Variants in ARMH4 observed in about 807,000 individuals in gnomAD.
ARMH4 encodes armadillo-like helical domain-containing protein 4.
A neutral mutation model predicts 61.9 loss-of-function variants in ARMH4; 49 were observed. That is an observed-to-expected ratio of 0.79 (90% CI 0.63 to 1.00). The LOEUF is 1.00. Among genes scored for constraint, ARMH4 ranks in the 50% least tolerant of loss-of-function variants. The pLI is 0.00. For missense variants in ARMH4, 934 were observed against 930.0 expected, an observed-to-expected ratio of 1.00 and a Z score of -0.06; for synonymous variants, 368 against 341.5, an observed-to-expected ratio of 1.08 and a Z score of -0.85.
At chr14:58,132,990 C>T (rs1288895290) in intron 3 of ARMH4, 100 bp downstream of exon 3, 9 of 1,323,174 alleles carry the variant, frequency 6.8e-6, no homozygotes, top group Middle Eastern at 3.7e-4. Flanking sequence ...CGCACGCGCG[C>T]GCTGATGGCA....
intron 4 of ARMH4, among the ~76,000 whole-genome samples, chr14:58,117,008 G>A (rs955390659): frequency 2.0e-5 from 3 of 152,176 alleles, no homozygotes; most frequent in Non-Finnish European, 4.4e-5. Flanking sequence ...CTGGAGTACA[G>A]CAGCACAACC....
chr14:58,142,307 A>G (rs1887590559), intron 1 of ARMH4, among the ~76,000 whole-genome samples: 1 of 152,124 alleles, frequency 6.6e-6, no homozygotes, highest in Non-Finnish European at 1.5e-5. Flanking sequence ...TTCTTCCCTT[A>G]AGGAGTTTCA....
chr14:58,031,129 T>G (rs1409383609), intron 5 of ARMH4, among the ~76,000 whole-genome samples: 1 of 152,238 alleles, frequency 6.6e-6, no homozygotes, highest in Non-Finnish European at 1.5e-5. Flanking sequence ...GTTATGTATT[T>G]ATGAATTAAA....
chr14:58,098,260 T>C (rs1170759834), intron 4 of ARMH4, among the ~76,000 whole-genome samples: 1 of 152,212 alleles, frequency 6.6e-6, no homozygotes, highest in Non-Finnish European at 1.5e-5. Flanking sequence ...CTTTAATCTT[T>C]TTTTATTCTT....
chr14:58,126,802 AT>A lies in ARMH4; in HGVS notation c.1831+4709del, dbSNP rs34763780. On this transcript the variant is annotated intron_variant, in intron 4 of 7. Transcript: ENST00000267485. ...AAGTTAAACGTAGCTTCTCCATTGG[AT>A]TTTTTTTTTTTTTTTTTGAGATGGA... is the stretch of plus-strand genomic sequence containing the variant. Among the ~76,000 whole-genome samples, 794 of 137,188 alleles carry A rather than the reference AT, an allele frequency of 5.8e-3. 4 individuals carry two copies. Among genetic ancestry groups the A allele is most frequent in the Middle Eastern group, 0.011 (3 of 270 alleles). 90.0% of individuals were successfully genotyped at this position (137,188 alleles called of 152,430 possible).
chr14:58,074,755 T>C (rs1289833313), intron 5 of ARMH4, among the ~76,000 whole-genome samples: 1 of 151,908 alleles, frequency 6.6e-6, no homozygotes, highest in Admixed American at 6.6e-5. Context: ...AAGTGAAGAG[T>C]TTTGAGCATA....
Position 58,004,685 on chromosome 14 carries a change from AAAATTAGAATAGT to A in ARMH4, c.*38_*50del, listed in dbSNP as rs1421869241. The A allele has an allele frequency of 7.0e-7, 1 of 1,426,156 alleles. No homozygotes were observed. The highest frequency in any genetic ancestry group is 9.7e-7 in the Non-Finnish European group (1 of 1,031,048). 88.3% of individuals were successfully genotyped at this position (1,426,156 alleles called of 1,614,324 possible). On this transcript the variant is annotated 3_prime_UTR_variant, in exon 8 of 8. Coordinates refer to ENST00000267485, the MANE Select transcript of ARMH4 (RefSeq NM_001001872.4). ...CTTTTTTTTTTTCTGCTCCAAAATA[AAAATTAGAATAGT>A]AGCATCGTTGAATATCCCAATTAAA... is the stretch of plus-strand genomic sequence containing the variant.
intron 4 of ARMH4, among the ~76,000 whole-genome samples, chr14:58,099,579 A>G (rs1194375957): frequency 6.6e-6 from 1 of 152,206 alleles, no homozygotes; most frequent in Non-Finnish European, 1.5e-5. Flanking sequence ...AGAAAAGAAG[A>G]CACAACAAAC....
At chr14:58,021,914 C>T (rs919887699) in intron 5 of ARMH4, among the ~76,000 whole-genome samples, 1 of 152,166 alleles carries the variant, frequency 6.6e-6, no homozygotes, top group East Asian at 1.9e-4. Context: ...TAGGAGCCAT[C>T]TGCAACCAAG....
intron 1 of ARMH4, among the ~76,000 whole-genome samples, chr14:58,146,893 TA>T (rs1292060597): frequency 6.6e-6 from 1 of 152,228 alleles, no homozygotes; most frequent in Non-Finnish European, 1.5e-5. Flanking sequence ...GTTTCATATA[TA>T]ATATTAAGGC....
intron 5 of ARMH4, among the ~76,000 whole-genome samples, chr14:58,070,330 G>A (rs1337783856): frequency 6.6e-6 from 1 of 152,112 alleles, no homozygotes; most frequent in Non-Finnish European, 1.5e-5. Flanking sequence ...CACTGGGGGT[G>A]AGCACAGAGG....
intron 4 of ARMH4, among the ~76,000 whole-genome samples, chr14:58,103,551 T>C (rs1424105204): frequency 6.6e-6 from 1 of 151,998 alleles, no homozygotes; most frequent in Non-Finnish European, 1.5e-5. Flanking sequence ...TTAAAAACTT[T>C]GTGGACCTTC....
chr14:58,142,257 T>C (rs1001944944), intron 1 of ARMH4, among the ~76,000 whole-genome samples: 5 of 152,174 alleles, frequency 3.3e-5, no homozygotes, highest in African/African-American at 1.2e-4. Context: ...AAGCAAATGA[T>C]GTGCACATGT....
intron 5 of ARMH4, among the ~76,000 whole-genome samples, chr14:58,087,466 ACT>A (rs1183818810): frequency 6.6e-6 from 1 of 151,998 alleles, no homozygotes; most frequent in African/African-American, 2.4e-5. Flanking sequence ...CACTCAACTA[ACT>A]CTATTTTATG....
At chr14:58,085,820 T>C (rs972505953) in intron 5 of ARMH4, among the ~76,000 whole-genome samples, 1 of 152,190 alleles carries the variant, frequency 6.6e-6, no homozygotes, top group African/African-American at 2.4e-5. Flanking sequence ...AAATTTACTT[T>C]TAGTGAAACT....
intron 5 of ARMH4, among the ~76,000 whole-genome samples, chr14:58,095,942 G>A (rs1344436650): frequency 6.6e-6 from 1 of 152,098 alleles, no homozygotes; most frequent in Admixed American, 6.6e-5. Context: ...ATTCACCTCA[G>A]GTCAAGGGAA....
intron 5 of ARMH4, among the ~76,000 whole-genome samples, chr14:58,044,721 T>G (rs10140211): frequency 6.6e-6 from 1 of 151,724 alleles, no homozygotes; most frequent in African/African-American, 2.4e-5. Flanking sequence ...ACTCATCCGA[T>G]AAAGGGCTAA....
At position 58,029,182 on chromosome 14, in the gene ARMH4, G is replaced by A. The variant is rs1282412364; in HGVS notation, c.2090-17032C>T. On this transcript the variant is annotated intron_variant, in intron 5 of 7. Coordinates refer to ENST00000267485, the MANE Select transcript of ARMH4 (RefSeq NM_001001872.4). ...TACCTATTCTGGACATTTCATATAA[G>A]TTGAATCATACAACATATGACCTTT... Among the ~76,000 whole-genome samples the A allele has an allele frequency of 9.9e-5, 15 of 151,328 alleles. No homozygotes were observed. In the East Asian group the frequency reaches 2.7e-3, roughly 27 times the overall value.
At chr14:58,028,305 G>A (rs1158547625) in intron 5 of ARMH4, among the ~76,000 whole-genome samples, 2 of 152,204 alleles carry the variant, frequency 1.3e-5, no homozygotes, top group African/African-American at 4.8e-5. Context: ...TTGCAGCAGT[G>A]TCACTACAAA....
Sources: gnomAD v4.1 joint callset for allele counts (sites outside exome capture counted in the v4.1 genomes callset) on GRCh38, gnomAD v4.1.1 for gene constraint, MANE v1.5 for transcripts, NCBI Gene and HGNC (gene_info 2026-07-23, HGNC 2026-07-21) for gene names.